SLC25A48: variants seen among roughly 807,000 people sequenced by gnomAD.
SLC25A48 encodes solute carrier family 25 member 48, also known as CTC-321K16.1.
In SLC25A48, 29 loss-of-function variants were observed where a neutral mutation model predicts 32.2. The ratio of observed to expected loss-of-function variants is 0.90; its 90% CI spans 0.67 to 1.23. The LOEUF (loss-of-function observed/expected upper bound fraction) is 1.23. Ranked by LOEUF, SLC25A48 falls within the 50% of genes most tolerant of loss-of-function variation. The probability of loss-of-function intolerance (pLI) is 0.00; values close to 1 mark genes in which losing one functional copy is unlikely to be tolerated. For missense variants in SLC25A48, 399 were observed against 422.7 expected, an observed-to-expected ratio of 0.94 and a Z score of 0.49; for synonymous variants, 164 against 172.3, an observed-to-expected ratio of 0.95 and a Z score of 0.38.
At chr5:135,688,523 C>T (rs1451357719) in intron 3 of SLC25A48, among the ~76,000 whole-genome samples, 2 of 152,194 alleles carry the variant, frequency 1.3e-5, no homozygotes, top group Non-Finnish European at 2.9e-5. Flanking sequence ...CACACACACA[C>T]CATGGAAAGA....
chr5:135,736,932 G>A (rs1580827178), intron 3 of SLC25A48, among the ~76,000 whole-genome samples: 1 of 152,276 alleles, frequency 6.6e-6, no homozygotes, highest in East Asian at 1.9e-4. Context: ...AATAAAAAGA[G>A]GCCGCTTACC....
chr5:135,676,913 A>T (rs1296588230), intron 3 of SLC25A48, among the ~76,000 whole-genome samples: 1 of 151,698 alleles, frequency 6.6e-6, no homozygotes, highest in Non-Finnish European at 1.5e-5. Flanking sequence ...TGCTAATGAG[A>T]AGAATGTGTA....
chr5:135,602,407 T>C (rs1465555360), intron 1 of SLC25A48, among the ~76,000 whole-genome samples: 1 of 152,224 alleles, frequency 6.6e-6, no homozygotes, highest in Non-Finnish European at 1.5e-5. Context: ...TCCCCTGCCC[T>C]AGTCCCCATA....
At chr5:135,840,321 C>A (rs917889820) in intron 1 of SLC25A48, among the ~76,000 whole-genome samples, 7 of 152,204 alleles carry the variant, frequency 4.6e-5, no homozygotes, top group Admixed American at 4.6e-4. Context: ...CCACTCTATG[C>A]ATGCTAAAAG....
intron 3 of SLC25A48, among the ~76,000 whole-genome samples, chr5:135,711,039 G>A (rs1754644485): frequency 6.6e-6 from 1 of 152,202 alleles, no homozygotes; most frequent in African/African-American, 2.4e-5. Flanking sequence ...AATAGGAAAA[G>A]CTGCAAGATG....
At chr5:135,871,857 C>G in intron 5 of SLC25A48, 139 bp downstream of exon 5, 5 of 1,522,084 alleles carry the variant, frequency 3.3e-6, no homozygotes, top group Non-Finnish European at 4.4e-6. Context: ...TTGTTAGGTA[C>G]CTACTCTGTC....
intron 7 of SLC25A48, among the ~76,000 whole-genome samples, chr5:135,886,177 A>T (rs1020317267): frequency 3.3e-5 from 5 of 152,124 alleles, no homozygotes; most frequent in Non-Finnish European, 7.3e-5. Context: ...AATTTCTTAA[A>T]ATAAAAGCAC....
At chr5:135,764,328 CT>C (rs978650974) in intron 3 of SLC25A48, among the ~76,000 whole-genome samples, 3 of 151,982 alleles carry the variant, frequency 2.0e-5, no homozygotes, top group African/African-American at 7.3e-5. Flanking sequence ...GTACACCCCC[CT>C]GTGATATGGT....
In SLC25A48 at chr5:135,871,449, C is replaced by T. The variant is rs777255167; in HGVS notation, c.422-12C>T. 5 of 1,573,126 alleles carry T rather than the reference C, an allele frequency of 3.2e-6. No homozygotes were observed. The East Asian group carries it at 9.0e-5, about 28-fold the overall frequency. ...TGGGTCACTTGCCACCTTCTCTCCC[C>T]TGTCTTTGCAGCCAACCTCGGTTTG... On this transcript the variant is annotated splice_polypyrimidine_tract_variant and intron_variant, in intron 4 of 7. Coordinates refer to ENST00000681962, the MANE Select transcript of SLC25A48 (RefSeq NM_001349336.2).
chr5:135,805,128 T>C (rs1469348462), intron 3 of SLC25A48, among the ~76,000 whole-genome samples: 2 of 151,398 alleles, frequency 1.3e-5, no homozygotes, highest in Non-Finnish European at 3.0e-5. Flanking sequence ...ACTCCTAATA[T>C]AATATCACAG....
chr5:135,797,830 G>T (rs542504263), intron 3 of SLC25A48, among the ~76,000 whole-genome samples: 1 of 151,880 alleles, frequency 6.6e-6, no homozygotes, highest in South Asian at 2.1e-4. Context: ...AATCAAGCAG[G>T]GGGGAGGATG....
At chr5:135,832,287 A>C (rs1758234897), upstream of SLC25A48, among the ~76,000 whole-genome samples, 1 of 152,156 alleles carries the variant, frequency 6.6e-6, no homozygotes, top group African/African-American at 2.4e-5. Flanking sequence ...CCATGGCACC[A>C]GGGAAGAAGA....
chr5:135,778,900 T>A (rs1475130773), intron 3 of SLC25A48, among the ~76,000 whole-genome samples: 2 of 139,584 alleles, frequency 1.4e-5, no homozygotes, highest in Non-Finnish European at 3.1e-5. Flanking sequence ...CTGGTATTAC[T>A]CCCAATATTG....
chr5:135,716,283 G>A (rs1466996209), intron 3 of SLC25A48, among the ~76,000 whole-genome samples: 1 of 152,180 alleles, frequency 6.6e-6, no homozygotes, highest in Non-Finnish European at 1.5e-5. Flanking sequence ...TGAGAAAACT[G>A]GGAGAGAACT....
intron 3 of SLC25A48, among the ~76,000 whole-genome samples, chr5:135,755,140 A>C (rs1323628878): frequency 6.6e-6 from 1 of 152,082 alleles, no homozygotes; most frequent in African/African-American, 2.4e-5. Context: ...TTGCAGCGTT[A>C]TTTATGATAC....
At chr5:135,786,617 G>T (rs1484603001) in intron 3 of SLC25A48, among the ~76,000 whole-genome samples, 1 of 151,786 alleles carries the variant, frequency 6.6e-6, no homozygotes, top group East Asian at 1.9e-4. Flanking sequence ...ACAATGTACG[G>T]TTACCCCTAG....
At chr5:135,797,799 G>C (rs934075773) in intron 3 of SLC25A48, among the ~76,000 whole-genome samples, 6 of 151,744 alleles carry the variant, frequency 4.0e-5, no homozygotes, top group Non-Finnish European at 5.9e-5. Flanking sequence ...ATGTACACCA[G>C]CCCTGTGATA....
intron 3 of SLC25A48, among the ~76,000 whole-genome samples, chr5:135,658,264 C>G (rs1241738862): frequency 1.3e-5 from 2 of 152,156 alleles, no homozygotes; most frequent in African/African-American, 2.4e-5. Flanking sequence ...AGAAATTAGT[C>G]AAAACAAAGG....
At chr5:135,886,610 T>A (rs1481311722) in intron 7 of SLC25A48, among the ~76,000 whole-genome samples, 21 of 29,162 alleles carry the variant, frequency 7.2e-4, no homozygotes, top group African/African-American at 3.1e-3. Flanking sequence ...TATATATATA[T>A]ATATATATAT....
Sources: allele counts gnomAD v4.1 joint callset (sites outside exome capture counted in the v4.1 genomes callset), GRCh38; gene constraint gnomAD v4.1.1; transcripts MANE v1.5; gene names NCBI Gene and HGNC (gene_info 2026-07-23, HGNC 2026-07-21).